ALPK1: variants seen among roughly 807,000 people sequenced by gnomAD.
ALPK1 encodes alpha kinase 1.
A neutral mutation model predicts 120.6 loss-of-function variants in ALPK1; 110 were observed. That is an observed-to-expected ratio of 0.91 (90% CI 0.78 to 1.07). ALPK1 has a LOEUF of 1.07. ALPK1 is among the 50% of genes least tolerant of loss of function. The pLI is 0.00. For synonymous variants in ALPK1, 582 were observed against 560.3 expected, an observed-to-expected ratio of 1.04 and a Z score of -0.55; for missense variants, 1,498 against 1,483.9, an observed-to-expected ratio of 1.01 and a Z score of -0.16.
intron 2 of ALPK1, among the ~76,000 whole-genome samples, chr4:112,350,689 T>C (rs553428663): frequency 6.6e-6 from 1 of 152,352 alleles, no homozygotes; most frequent in Admixed American, 6.5e-5. Context: ...TGCACTCTTA[T>C]CCTGATCTTC....
chr4:112,346,438 G>C (rs1281696604), intron 2 of ALPK1, among the ~76,000 whole-genome samples: 1 of 152,210 alleles, frequency 6.6e-6, no homozygotes, highest in Non-Finnish European at 1.5e-5. Flanking sequence ...TTTAGAATGA[G>C]AATGTGTCAC....
chr4:112,318,988 T>C (rs1728750780), intron 2 of ALPK1, among the ~76,000 whole-genome samples: 3 of 152,176 alleles, frequency 2.0e-5, no homozygotes, highest in African/African-American at 7.2e-5. Context: ...TTGTGTTTCA[T>C]CCTATAGGCA....
rs372432835 is a variant in ALPK1 at position 112,436,062 on chromosome 4, A to T, written c.3188+761A>T. ...TTTTATCATTTGTATATTTTAAAAG[A>T]CCTATAAGCCATGACTTTTCATTTA... On this transcript the variant is annotated intron_variant, in intron 12 of 15. Coordinates refer to ENST00000650871, the MANE Select transcript of ALPK1 (RefSeq NM_025144.4). Among the ~76,000 whole-genome samples, 5 of 152,352 alleles carry T rather than the reference A, an allele frequency of 3.3e-5. No homozygotes were observed. The East Asian group carries it at 5.8e-4, about 18-fold the overall frequency.
intron 4 of ALPK1, among the ~76,000 whole-genome samples, chr4:112,404,452 G>A (rs553016762): frequency 2.6e-5 from 4 of 152,322 alleles, no homozygotes; most frequent in African/African-American, 4.8e-5. Context: ...TTTCACAAAT[G>A]AGGTCATTGA....
At chr4:112,375,215 A>G (rs1211790839) in intron 2 of ALPK1, among the ~76,000 whole-genome samples, 1 of 136,012 alleles carries the variant, frequency 7.4e-6, no homozygotes, top group Admixed American at 8.0e-5. Flanking sequence ...GAGACTTGCT[A>G]TGTCACTCAG....
chr4:112,372,091 C>T (rs1342798906), intron 2 of ALPK1, among the ~76,000 whole-genome samples: 2 of 152,068 alleles, frequency 1.3e-5, no homozygotes. Context: ...TGTGTGCATT[C>T]GTTTCCTATT....
chr4:112,432,375 A>AG lies in ALPK1; in HGVS notation c.2833dup (p.Asp945GlyfsTer27). The AG allele has an allele frequency of 6.2e-7, 1 of 1,614,020 alleles. No homozygotes were observed. Among genetic ancestry groups the AG allele is most frequent in the Non-Finnish European group, 8.5e-7 (1 of 1,179,992 alleles). Reference sequence around the variant, plus strand: ...CCTGCATTTTCCAGTGGTTCTTCTGAGGGGGACAGCCCTTGGTCCTATCTG... The same window carrying AG: ...CCTGCATTTTCCAGTGGTTCTTCTGAGGGGGGACAGCCCTTGGTCCTATCTG... On this transcript the variant is annotated frameshift_variant, in exon 11 of 16. Transcript: ENST00000650871. LOFTEE classifies it high-confidence loss of function.
intron 2 of ALPK1, chr4:112,356,157 G>A: frequency 6.2e-7 from 1 of 1,606,294 alleles, no homozygotes; most frequent in Non-Finnish European, 8.5e-7. Flanking sequence ...GTCCTGAATG[G>A]TGTGACCGTA....
intron 2 of ALPK1, among the ~76,000 whole-genome samples, chr4:112,362,197 G>T (rs1362484370): frequency 6.6e-6 from 1 of 152,126 alleles, no homozygotes; most frequent in Non-Finnish European, 1.5e-5. Flanking sequence ...ACCCCCAAAA[G>T]ATCACACTAG....
chr4:112,329,013 C>T (rs1361649527), intron 2 of ALPK1, among the ~76,000 whole-genome samples: 1 of 152,234 alleles, frequency 6.6e-6, no homozygotes, highest in African/African-American at 2.4e-5. Context: ...ATTTTCTACA[C>T]ATTGGCCTCC....
intron 2 of ALPK1, among the ~76,000 whole-genome samples, chr4:112,323,448 A>T (rs1544384): frequency 6.6e-6 from 1 of 151,822 alleles, no homozygotes; most frequent in East Asian, 1.9e-4. Context: ...TCCTTATATC[A>T]CCTTACAGAT....
intron 2 of ALPK1, among the ~76,000 whole-genome samples, chr4:112,334,775 A>C (rs1182116759): frequency 6.6e-6 from 1 of 152,102 alleles, no homozygotes; most frequent in Non-Finnish European, 1.5e-5. Flanking sequence ...GTACTATAGG[A>C]TTCTTTTGGA....
intron 10 of ALPK1, among the ~76,000 whole-genome samples, chr4:112,429,504 G>A (rs550274487): frequency 4.6e-5 from 7 of 152,256 alleles, no homozygotes; most frequent in African/African-American, 1.4e-4. Flanking sequence ...TCCCAAGCCT[G>A]AGTGCACATC....
At chr4:112,320,667 C>T (rs1382607455) in intron 2 of ALPK1, among the ~76,000 whole-genome samples, 1 of 152,022 alleles carries the variant, frequency 6.6e-6, no homozygotes, top group Non-Finnish European at 1.5e-5. Context: ...TTCATCTGGT[C>T]CTGAACTTTT....
intron 4 of ALPK1, among the ~76,000 whole-genome samples, chr4:112,404,329 A>C (rs1042791460): frequency 6.6e-6 from 1 of 152,116 alleles, no homozygotes; most frequent in Non-Finnish European, 1.5e-5. Context: ...CATTTTTTTC[A>C]TGGTGTTCCA....
intron 2 of ALPK1, among the ~76,000 whole-genome samples, chr4:112,374,827 G>T (rs1731580648): frequency 6.6e-6 from 1 of 152,136 alleles, no homozygotes; most frequent in Admixed American, 6.5e-5. Context: ...TTTCTGGGAG[G>T]TAGGTCTCAA....
intron 4 of ALPK1, 198 bp downstream of exon 4, chr4:112,382,750 C>A: frequency 1.5e-6 from 1 of 679,550 alleles, no homozygotes; most frequent in Non-Finnish European, 2.4e-6. Flanking sequence ...GTTGTAAAGC[C>A]AAATCCAGTA....
intron 5 of ALPK1, among the ~76,000 whole-genome samples, chr4:112,416,930 A>C (rs567820048): frequency 6.6e-6 from 1 of 152,138 alleles, no homozygotes; most frequent in Admixed American, 6.5e-5. Context: ...CTAGTGTGGT[A>C]AACTATAGAA....
chr4:112,307,590 C>T (rs1461668676), intron 1 of ALPK1, among the ~76,000 whole-genome samples: 3 of 151,982 alleles, frequency 2.0e-5, no homozygotes, highest in African/African-American at 7.3e-5. Flanking sequence ...TTCTGTATTC[C>T]ATTTGCTTGG....
Sources: allele counts gnomAD v4.1 joint callset (sites outside exome capture counted in the v4.1 genomes callset), GRCh38; gene constraint gnomAD v4.1.1; transcripts MANE v1.5; gene names NCBI Gene and HGNC (gene_info 2026-07-23, HGNC 2026-07-21).